The following CTSB variants were observed in gnomAD, a reference collection of about 807,000 sequenced individuals.
CTSB encodes the protein APP secretase.
CTSB carries 57 observed loss-of-function variants against 44.3 expected under a neutral mutation model. The ratio of observed to expected loss-of-function variants is 1.29; its 90% CI spans 1.04 to 1.60. CTSB has a LOEUF of 1.60. Among genes scored for constraint, CTSB ranks in the 40% most tolerant of loss-of-function variants. The pLI, the probability that CTSB is intolerant of heterozygous loss-of-function variation, is 0.00. For synonymous variants in CTSB, 320 were observed against 168.0 expected, an observed-to-expected ratio of 1.91 and a Z score of -7.00; for missense variants, 768 against 443.0, an observed-to-expected ratio of 1.73 and a Z score of -6.59.
intron 3 of CTSB, 36 bp from the exon 4 acceptor site, chr8:11,851,016 C>T (rs371648344): frequency 1.4e-4 from 207 of 1,481,706 alleles, no homozygotes; most frequent in Non-Finnish European, 1.9e-4. Flanking sequence ...AAGCTCTGAT[C>T]CCACAACTCC....
intron 2 of CTSB, 144 bp from the exon 3 acceptor site, chr8:11,852,839 G>C (rs868562083): frequency 3.5e-5 from 24 of 692,364 alleles, no homozygotes; most frequent in Middle Eastern, 5.8e-4. Context: ...CTGGGGAACA[G>C]CCCAGAGTGA....
chr8:11,853,596 G>A (rs567977609), intron 1 of CTSB, 117 bp from the exon 2 acceptor site: 218 of 1,057,108 alleles, frequency 2.1e-4, no homozygotes, highest in Middle Eastern at 1.6e-3. Flanking sequence ...TGGCCCAGGC[G>A]GAGAACTCTT....
intron 5 of CTSB, 171 bp from the exon 6 acceptor site, chr8:11,848,323 A>G: frequency 1.4e-6 from 1 of 697,360 alleles, no homozygotes; most frequent in Non-Finnish European, 2.6e-6. Flanking sequence ...TCCCTAGATA[A>G]GCACAGCTTG....
chr8:11,867,672 G>C (rs2150470421), intron 1 of CTSB: 1 of 152,250 alleles, frequency 6.6e-6, no homozygotes, highest in Non-Finnish European at 1.5e-5. Flanking sequence ...CTTCCTCGCA[G>C]GCGCCTCCCT....
chr8:11,845,900 G>A (rs1011745097), intron 8 of CTSB, 111 bp from the exon 9 acceptor site: 2 of 1,330,318 alleles, frequency 1.5e-6, no homozygotes, highest in African/African-American at 1.5e-5. Flanking sequence ...GCTTCCAGAG[G>A]GAACCTGCTG....
chr8:11,846,633 A>G (rs1037913167), intron 8 of CTSB, among the ~76,000 whole-genome samples: 1 of 152,218 alleles, frequency 6.6e-6, no homozygotes, highest in Non-Finnish European at 1.5e-5. Flanking sequence ...AAAGAGAAAG[A>G]TGAAGAAAAT....
At chr8:11,845,514 G>T (rs998218900) in intron 9 of CTSB, 147 bp downstream of exon 9, 6 of 964,150 alleles carry the variant, frequency 6.2e-6, no homozygotes, top group African/African-American at 1.6e-5. Flanking sequence ...GGGAACTCCT[G>T]ACTGCCTGGC....
intron 1 of CTSB, among the ~76,000 whole-genome samples, chr8:11,864,907 T>C (rs866409458): frequency 1.3e-5 from 2 of 149,898 alleles, no homozygotes; most frequent in Non-Finnish European, 3.0e-5. Context: ...AGTGAAACTG[T>C]CTCAAAAAAA....
At position 11,843,548 on chromosome 8, in the gene CTSB, C is replaced by T. The variant is rs1233718121; in HGVS notation, c.*1577G>A. ...GCAAAGCACTAGAGTTCCTGACCAG[C>T]AATGCAAACCAGTGGCATACAAATT... On this transcript the variant is annotated 3_prime_UTR_variant, in exon 10 of 10. Transcript: ENST00000353047. 2.6e-5 allele frequency: 4 copies of T among 152,234 alleles called. No individual in the cohort carries two copies. The highest frequency in any genetic ancestry group is 2.1e-4 in the South Asian group (1 of 4,838). 9.4% of individuals were successfully genotyped at this position (152,234 alleles called of 1,614,324 possible). A position where few individuals can be genotyped will look rare whatever the true frequency, so the allele number is the denominator to read the frequency against.
intron 5 of CTSB, 98 bp downstream of exon 5, chr8:11,848,948 C>T (rs747785371): frequency 6.0e-5 from 50 of 827,088 alleles, no homozygotes; most frequent in Non-Finnish European, 8.5e-5. Flanking sequence ...TTCTGACTCG[C>T]AGCAGTCCCA....
At chr8:11,854,678 A>T (rs1168028050) in intron 1 of CTSB, 1 of 152,128 alleles carries the variant, frequency 6.6e-6, no homozygotes, top group African/African-American at 2.4e-5. Flanking sequence ...ATGGGGTTTT[A>T]CCATGTTAGC....
rs1563384322 is a variant in CTSB at position 11,847,103 on chromosome 8, G to A, written c.742C>T (p.Pro248Ser). The A allele has an allele frequency of 6.2e-7, 1 of 1,613,714 alleles. No individual in the cohort carries two copies. The highest frequency in any genetic ancestry group is 8.5e-7 in the Non-Finnish European group (1 of 1,179,708). Residue 248 changes from proline to serine, a missense_variant, in exon 8 of 10, where the codon CCC (proline) becomes TCC (serine). Coordinates refer to ENST00000353047, the MANE Select transcript of CTSB (RefSeq NM_001908.5). ...TACACAGAGAAAGCTCCCTCCACGG[G>A]GCCGTTTTTGTAGATCTCGGCCATG... The part of the protein sequence containing the change: ...DIMAEIYKNG[P>S]VEGAFSVYSD...
intron 7 of CTSB, among the ~76,000 whole-genome samples, chr8:11,847,411 C>G (rs985994373): frequency 1.3e-5 from 2 of 152,162 alleles, no homozygotes; most frequent in Non-Finnish European, 2.9e-5. Context: ...CAGGATACCT[C>G]AAGACTCCAG....
At chr8:11,856,284 GTAAC>G (rs1315190812) in intron 1 of CTSB, among the ~76,000 whole-genome samples, 1 of 152,014 alleles carries the variant, frequency 6.6e-6, no homozygotes, top group African/African-American at 2.4e-5. Flanking sequence ...CAATAACAGA[GTAAC>G]TGTTAAATTA....
In CTSB at chr8:11,849,086, C is replaced by T; in HGVS notation, c.406G>A (p.Glu136Lys). Residue 136 changes from glutamate (E) to lysine (K), a missense_variant, in exon 5 of 10, where the codon GAG becomes AAG. Coordinates refer to ENST00000353047, the MANE Select transcript of CTSB (RefSeq NM_001908.5). ...NAHVSVEVSA[E>K]DLLTCCGSMC... Reference sequence around the variant, plus strand: ...CTGCCACAGCATGTGAGCAGGTCCTCCGCCGACACCTCCACGCTGACGTGC... The same window carrying T: ...CTGCCACAGCATGTGAGCAGGTCCTTCGCCGACACCTCCACGCTGACGTGC... 1 of 1,613,610 alleles carries T rather than the reference C, an allele frequency of 6.2e-7. No individual in the cohort carries two copies. Among genetic ancestry groups the T allele is most frequent in the Non-Finnish European group, 8.5e-7 (1 of 1,179,828 alleles).
In CTSB at chr8:11,852,660, G is replaced by T; in HGVS notation, c.162C>A (p.Tyr54Ter). ...GGAAGGTACCACATAGCCTCTTCAA[G>T]TAGCTCATGTCCACGTTGTAGAAGT... ...GHNFYNVDMS[Y>*]LKRLCGTFLG... Residue 54 changes from tyrosine (Y) to a stop codon, truncating the protein, a stop_gained, in exon 3 of 10, where the codon TAC becomes TAA. Coordinates refer to ENST00000353047, the MANE Select transcript of CTSB (RefSeq NM_001908.5). LOFTEE classifies it high-confidence loss of function. 1 of 1,614,088 alleles carries T rather than the reference G, an allele frequency of 6.2e-7. No individual in the cohort carries two copies.
chr8:11,862,803 G>A (rs1484124744), intron 1 of CTSB, among the ~76,000 whole-genome samples: 1 of 152,256 alleles, frequency 6.6e-6, no homozygotes, highest in Non-Finnish European at 1.5e-5. Context: ...GGCCCTCCGG[G>A]CTCTTAGGGC....
At position 11,847,661 on chromosome 8, in the gene CTSB, AGGCC is replaced by A. The variant is rs1813657356; in HGVS notation, c.676+14_676+17del. Reference sequence around the variant, plus strand: ...CCCAGCCTCCACGTGCGCCGTGGCCAGGCCCCAGGCCCCTTACCGTAGTGCTTGT... The same window carrying A: ...CCCAGCCTCCACGTGCGCCGTGGCCACCAGGCCCCTTACCGTAGTGCTTGT... On this transcript the variant is annotated intron_variant, in intron 7 of 9. Coordinates refer to ENST00000353047, the MANE Select transcript of CTSB (RefSeq NM_001908.5). The A allele has an allele frequency of 6.7e-7, 1 of 1,491,796 alleles. No homozygotes were observed. The highest frequency in any genetic ancestry group is 1.9e-5 in the African/African-American group (1 of 52,744). 92.4% of individuals were successfully genotyped at this position (1,491,796 alleles called of 1,614,324 possible).
chr8:11,845,400 C>G (rs932877301), intron 9 of CTSB, among the ~76,000 whole-genome samples, 178 bp from the exon 10 acceptor site: 1 of 152,214 alleles, frequency 6.6e-6, no homozygotes, highest in Non-Finnish European at 1.5e-5. Context: ...ACGGGCAAGC[C>G]CCCTGCCCGG....
Sources: gnomAD v4.1 joint callset for allele counts (sites outside exome capture counted in the v4.1 genomes callset) on GRCh38, gnomAD v4.1.1 for gene constraint, MANE v1.5 for transcripts, NCBI Gene and HGNC (gene_info 2026-07-23, HGNC 2026-07-21) for gene names.